HNF1B: variants seen among roughly 807,000 people sequenced by gnomAD.
HNF1B encodes the protein HNF1 homeobox B, also known as hepatocyte nuclear factor 1-beta.
A neutral mutation model predicts 61.7 loss-of-function variants in HNF1B; 8 were observed. The observed-to-expected ratio is 0.13, with a 90% CI of 0.08 to 0.23. The LOEUF (loss-of-function observed/expected upper bound fraction) is 0.23, where lower values mean the gene tolerates loss of function less well. Ranked by LOEUF, HNF1B falls within the 10% of genes least tolerant of loss-of-function variation. The pLI, the probability that HNF1B is intolerant of heterozygous loss-of-function variation, is 1.00. For missense variants in HNF1B, 562 were observed against 714.5 expected (o/e 0.79, Z 2.43); for synonymous variants, 314 against 287.7 (o/e 1.09, Z -0.93).
At chr17:37,701,958 A>AG (rs1194050648) in intron 6 of HNF1B, among the ~76,000 whole-genome samples, 1 of 152,180 alleles carries the variant, frequency 6.6e-6, no homozygotes, top group African/African-American at 2.4e-5. Context: ...GTGTATCCTG[A>AG]GGCCTCTTTA....
At chr17:37,720,421 T>C (rs1351601383) in intron 4 of HNF1B, among the ~76,000 whole-genome samples, 2 of 152,088 alleles carry the variant, frequency 1.3e-5, no homozygotes, top group Non-Finnish European at 2.9e-5. Flanking sequence ...CGACATTAAT[T>C]TGTGAACTGT....
intron 4 of HNF1B, among the ~76,000 whole-genome samples, chr17:37,724,822 G>A (rs1443496597): frequency 2.0e-5 from 3 of 151,904 alleles, no homozygotes; most frequent in African/African-American, 7.3e-5. Context: ...GAATAGCTAG[G>A]ATAATAACCA....
chr17:37,688,412 C>T (rs2032059883), intron 8 of HNF1B, among the ~76,000 whole-genome samples: 1 of 151,904 alleles, frequency 6.6e-6, no homozygotes, highest in African/African-American at 2.4e-5. Flanking sequence ...CACACACACA[C>T]ACACACACAC....
At chr17:37,740,995 T>C (rs1189875794) in intron 1 of HNF1B, among the ~76,000 whole-genome samples, 1 of 152,194 alleles carries the variant, frequency 6.6e-6, no homozygotes, top group East Asian at 1.9e-4. Context: ...AATATATACA[T>C]GTTTACTATT....
intron 6 of HNF1B, among the ~76,000 whole-genome samples, chr17:37,702,065 G>A (rs938754939): frequency 6.6e-6 from 1 of 152,150 alleles, no homozygotes; most frequent in Non-Finnish European, 1.5e-5. Context: ...AGGTAGGATC[G>A]GAGTGGGGAC....
At chr17:37,693,103 T>A (rs1434752965) in intron 8 of HNF1B, among the ~76,000 whole-genome samples, 2 of 149,618 alleles carry the variant, frequency 1.3e-5, no homozygotes, top group Non-Finnish European at 3.0e-5. Context: ...GGCGGGAGAA[T>A]TGCTTGTACC....
chr17:37,732,668 T>C (rs1227431480), intron 3 of HNF1B, among the ~76,000 whole-genome samples: 1 of 137,578 alleles, frequency 7.3e-6, no homozygotes, highest in Non-Finnish European at 1.6e-5. Flanking sequence ...TTCCCAAGGC[T>C]TTCCAATCGT....
intron 4 of HNF1B, chr17:37,731,024 AAC>A: frequency 5.7e-6 from 1 of 174,278 alleles, no homozygotes; most frequent in Admixed American, 5.4e-5. Context: ...AGTTTTTCCC[AAC>A]TCATTGCTGC....
intron 8 of HNF1B, among the ~76,000 whole-genome samples, 165 bp from the exon 9 acceptor site, chr17:37,687,557 A>G (rs1272137004): frequency 6.6e-6 from 1 of 152,122 alleles, no homozygotes; most frequent in Non-Finnish European, 1.5e-5. Flanking sequence ...TTTCATGCTG[A>G]GGCACACTTC....
chr17:37,744,422 G>A (rs2034102436), intron 1 of HNF1B, 119 bp downstream of exon 1: 8 of 1,025,048 alleles, frequency 7.8e-6, no homozygotes, highest in Non-Finnish European at 1.2e-5. Flanking sequence ...AGCGCCCCCC[G>A]GGGGACTTCT....
At chr17:37,726,460 T>C (rs1484693901) in intron 4 of HNF1B, among the ~76,000 whole-genome samples, 1 of 152,174 alleles carries the variant, frequency 6.6e-6, no homozygotes, top group Non-Finnish European at 1.5e-5. Flanking sequence ...CACTGGCCAT[T>C]AGAATTCCTC....
intron 2 of HNF1B, among the ~76,000 whole-genome samples, chr17:37,738,965 T>G (rs1219247432): frequency 1.3e-5 from 2 of 152,202 alleles, no homozygotes; most frequent in Non-Finnish European, 2.9e-5. Flanking sequence ...TCTGAATATA[T>G]CTCTCTATAC....
intron 8 of HNF1B, among the ~76,000 whole-genome samples, chr17:37,698,636 C>T (rs1881542515): frequency 6.6e-6 from 1 of 152,146 alleles, no homozygotes; most frequent in Non-Finnish European, 1.5e-5. Context: ...GCCTCAGGAC[C>T]TCTGACTTCC....
At chr17:37,733,192 A>G (rs906111953) in intron 3 of HNF1B, among the ~76,000 whole-genome samples, 4 of 152,198 alleles carry the variant, frequency 2.6e-5, no homozygotes, top group African/African-American at 9.7e-5. Context: ...CCCAAGTATC[A>G]TATTTTAAAT....
chr17:37,736,364 G>A (rs938837079), intron 2 of HNF1B, among the ~76,000 whole-genome samples: 3 of 152,224 alleles, frequency 2.0e-5, no homozygotes, highest in African/African-American at 7.2e-5. Flanking sequence ...CTGTGGTGAG[G>A]TATTGTGCCA....
intron 1 of HNF1B, among the ~76,000 whole-genome samples, chr17:37,741,216 CAAAT>C (rs1218482610): frequency 6.6e-6 from 1 of 152,094 alleles, no homozygotes; most frequent in Non-Finnish European, 1.5e-5. Flanking sequence ...TTAAATATGT[CAAAT>C]AAAATTAATT....
intron 4 of HNF1B, among the ~76,000 whole-genome samples, chr17:37,717,856 G>A (rs1426924680): frequency 6.6e-6 from 1 of 152,218 alleles, no homozygotes; most frequent in African/African-American, 2.4e-5. Context: ...TTCCTCCTCT[G>A]AGAGGATACA....
chr17:37,701,329 G>A, intron 6 of HNF1B, 152 bp from the exon 7 acceptor site: 1 of 756,520 alleles, frequency 1.3e-6, no homozygotes. Context: ...AAGAAACGGA[G>A]ACTTGGAGAT....
chr17:37,738,639 C>T (rs2033902837), intron 2 of HNF1B, among the ~76,000 whole-genome samples: 1 of 152,220 alleles, frequency 6.6e-6, no homozygotes, highest in Non-Finnish European at 1.5e-5. Context: ...GTCATTCCTA[C>T]TCTTGTTATT....
Sources: gnomAD v4.1 joint callset for allele counts (sites outside exome capture counted in the v4.1 genomes callset) on GRCh38, gnomAD v4.1.1 for gene constraint, MANE v1.5 for transcripts, NCBI Gene and HGNC (gene_info 2026-07-23, HGNC 2026-07-21) for gene names.